LIMS1: variants seen among roughly 807,000 people sequenced by gnomAD.
The protein encoded by LIMS1 is LIM zinc finger domain containing 1.
A neutral mutation model predicts 44.1 loss-of-function variants in LIMS1; 18 were observed. The ratio of observed to expected loss-of-function variants is 0.41; its 90% CI spans 0.28 to 0.61. The LOEUF (loss-of-function observed/expected upper bound fraction) is 0.61. Ranked by LOEUF, LIMS1 falls within the 20% of genes least tolerant of loss-of-function variation. The probability of loss-of-function intolerance (pLI) is 0.32; values close to 1 mark genes in which losing one functional copy is unlikely to be tolerated. For missense variants in LIMS1, 201 were observed against 422.0 expected (o/e 0.48, Z 4.59); for synonymous variants, 93 against 149.1 (o/e 0.62, Z 2.74).
chr2:108,592,181 G>A (rs956397642), intron 1 of LIMS1, among the ~76,000 whole-genome samples: 1 of 152,130 alleles, frequency 6.6e-6, no homozygotes, highest in East Asian at 1.9e-4. Context: ...TGACCCATTA[G>A]TTCCAGGAGA....
At chr2:108,574,607 A>C (rs2104639565) in intron 1 of LIMS1, among the ~76,000 whole-genome samples, 1 of 152,320 alleles carries the variant, frequency 6.6e-6, no homozygotes, top group Middle Eastern at 3.4e-3. Context: ...TATAACTAGT[A>C]AGTATTCTAG....
intron 1 of LIMS1, among the ~76,000 whole-genome samples, chr2:108,566,504 GT>G (rs1685294801): frequency 6.6e-6 from 1 of 152,112 alleles, no homozygotes. Context: ...AGCTGTTAGA[GT>G]TTCAAATTTG....
chr2:108,582,049 A>G (rs1558796097), intron 1 of LIMS1, among the ~76,000 whole-genome samples: 1 of 152,204 alleles, frequency 6.6e-6, no homozygotes, highest in Non-Finnish European at 1.5e-5. Context: ...TAAAATGTAA[A>G]GTTGATAAAT....
chr2:108,627,271 A>C (rs1034940905), intron 1 of LIMS1, among the ~76,000 whole-genome samples: 1 of 152,224 alleles, frequency 6.6e-6, no homozygotes, highest in Non-Finnish European at 1.5e-5. Flanking sequence ...TATCCTTGTC[A>C]TTAAGCAATG....
At chr2:108,593,790 A>G (rs926253234) in intron 1 of LIMS1, among the ~76,000 whole-genome samples, 7 of 152,202 alleles carry the variant, frequency 4.6e-5, no homozygotes, top group Admixed American at 3.3e-4. Context: ...GTCAGATGTG[A>G]TTTCTTAGTC....
chr2:108,684,060 C>A lies in LIMS1; in HGVS notation c.*61C>A. 5 of 830,842 alleles carry A rather than the reference C, an allele frequency of 6.0e-6. No individual in the cohort carries two copies. The South Asian group carries it at 6.4e-5, about 11-fold the overall frequency. The allele number at this position is 830,842 out of a possible 1,614,324, so 51.5% of individuals were successfully genotyped here. A position where few individuals can be genotyped will look rare whatever the true frequency, so the allele number is the denominator to read the frequency against. On this transcript the variant is annotated 3_prime_UTR_variant, in exon 10 of 10. Transcript: ENST00000544547. Reference sequence around the variant, plus strand: ...GATTACCAACATTACTTGTCTTGATCTACCCATATTTAAAGCTATATCTCA... The same window carrying A: ...GATTACCAACATTACTTGTCTTGATATACCCATATTTAAAGCTATATCTCA...
At chr2:108,548,506 A>C (rs1466096624) in intron 1 of LIMS1, among the ~76,000 whole-genome samples, 1 of 152,222 alleles carries the variant, frequency 6.6e-6, no homozygotes, top group Non-Finnish European at 1.5e-5. Context: ...AGTATTCGTC[A>C]GGTGCTTTCC....
chr2:108,558,415 T>C (rs1486349550), intron 1 of LIMS1, among the ~76,000 whole-genome samples: 1 of 151,894 alleles, frequency 6.6e-6, no homozygotes, highest in Non-Finnish European at 1.5e-5. Context: ...TTCACTGTGT[T>C]AGCCAGGATG....
At chr2:108,611,770 T>G (rs1687617132) in intron 1 of LIMS1, among the ~76,000 whole-genome samples, 1 of 149,582 alleles carries the variant, frequency 6.7e-6, no homozygotes, top group Admixed American at 6.8e-5. Flanking sequence ...TCTCAGCTAC[T>G]AGGAGGCTGA....
intron 5 of LIMS1, chr2:108,673,888 T>C (rs1692315256): frequency 6.6e-6 from 1 of 152,268 alleles, no homozygotes. Flanking sequence ...TTAGGTATTA[T>C]CTTAAAAGAT....
At chr2:108,648,301 C>T (rs1272797263) in intron 1 of LIMS1, among the ~76,000 whole-genome samples, 1 of 152,088 alleles carries the variant, frequency 6.6e-6, no homozygotes, top group Admixed American at 6.5e-5. Context: ...AACCACTGCT[C>T]AAGGAAATAA....
intron 1 of LIMS1, among the ~76,000 whole-genome samples, chr2:108,552,538 A>G (rs908771619): frequency 1.3e-4 from 19 of 146,904 alleles, no homozygotes; most frequent in Admixed American, 4.8e-4. Context: ...ATATATTTAT[A>G]TATATACACT....
At chr2:108,560,319 A>G (rs1685068496) in intron 1 of LIMS1, among the ~76,000 whole-genome samples, 2 of 151,922 alleles carry the variant, frequency 1.3e-5, no homozygotes, top group African/African-American at 4.8e-5. Flanking sequence ...GTGGATCTCC[A>G]TTTTACCCTA....
At chr2:108,636,981 A>G (rs919944782) in intron 1 of LIMS1, among the ~76,000 whole-genome samples, 2 of 152,114 alleles carry the variant, frequency 1.3e-5, no homozygotes, top group African/African-American at 4.8e-5. Flanking sequence ...CATTGTACTT[A>G]TGGCAAAATC....
At chr2:108,656,002 C>T (rs1333079844) in intron 1 of LIMS1, among the ~76,000 whole-genome samples, 5 of 71,348 alleles carry the variant, frequency 7.0e-5, no homozygotes, top group Admixed American at 1.8e-4. Flanking sequence ...TTAACTGACC[C>T]GGTTCTCTAC....
intron 1 of LIMS1, among the ~76,000 whole-genome samples, chr2:108,642,509 G>A (rs572465485): frequency 1.6e-4 from 24 of 151,546 alleles, no homozygotes; most frequent in Middle Eastern, 3.4e-3. Flanking sequence ...ACAGGCGCCC[G>A]CTACCACGCC....
intron 1 of LIMS1, among the ~76,000 whole-genome samples, chr2:108,604,932 T>C (rs1687196046): frequency 6.6e-6 from 1 of 152,186 alleles, no homozygotes; most frequent in Non-Finnish European, 1.5e-5. Flanking sequence ...GGAATCCAGT[T>C]GTCTGATGAT....
At chr2:108,633,015 C>G (rs993542413) in intron 1 of LIMS1, among the ~76,000 whole-genome samples, 5 of 152,128 alleles carry the variant, frequency 3.3e-5, no homozygotes, top group African/African-American at 1.2e-4. Flanking sequence ...TCCCTTGTCC[C>G]CTTCCCCCTC....
intron 1 of LIMS1, among the ~76,000 whole-genome samples, chr2:108,639,918 T>C (rs1056485464): frequency 6.6e-6 from 1 of 152,240 alleles, no homozygotes; most frequent in African/African-American, 2.4e-5. Context: ...ACCAAAACAG[T>C]ACAGTTCAGT....
Sources: gnomAD v4.1 joint callset for allele counts (sites outside exome capture counted in the v4.1 genomes callset) on GRCh38, gnomAD v4.1.1 for gene constraint, MANE v1.5 for transcripts, NCBI Gene and HGNC (gene_info 2026-07-23, HGNC 2026-07-21) for gene names.